Variants in SLC52A3 observed in about 807,000 individuals in gnomAD.
SLC52A3 encodes solute carrier family 52, riboflavin transporter, member 3.
A neutral mutation model predicts 29.5 loss-of-function variants in SLC52A3; 20 were observed. That is an observed-to-expected ratio of 0.68 (90% confidence interval 0.48 to 0.99). The LOEUF is 0.99. Ranked by LOEUF, SLC52A3 falls within the 50% of genes least tolerant of loss-of-function variation. SLC52A3 has a pLI of 0.00. For synonymous variants in SLC52A3, 301 were observed against 271.0 expected, an observed-to-expected ratio of 1.11 and a Z score of -1.09; for missense variants, 548 against 612.9, an observed-to-expected ratio of 0.89 and a Z score of 1.12.
chr20:761,140 G>A lies in SLC52A3; in HGVS notation c.1296C>T (p.Cys432=), dbSNP rs758570021. ...GCGAGCCCAGCTGCACCGCCGCCCC[G>A]CACCACAAGAGGGCGCTGCGGCTGA... The part of the protein sequence containing the change: ...RDLSRSALLW[C]GAAVQLGSLL... Residue 432 remains cysteine, a synonymous_variant, in exon 5 of 5, where the codon TGC becomes TGT. Transcript: ENST00000645534. The A allele has an allele frequency of 3.1e-6, 5 of 1,591,494 alleles. No homozygotes were observed. The South Asian group carries it at 3.4e-5, about 11-fold the overall frequency.
At chr20:767,724 A>G (rs926762415) in intron 1 of SLC52A3, among the ~76,000 whole-genome samples, 2 of 152,176 alleles carry the variant, frequency 1.3e-5, no homozygotes, top group Non-Finnish European at 2.9e-5. Context: ...TGATGCAAAT[A>G]TATGGTTACC....
In SLC52A3 at chr20:760,924, TACTC is replaced by T. The variant is rs1000536359; in HGVS notation, c.*98_*101del. ...TGGGCACTTGCGTTCATGATTCAAT[TACTC>T]AGGCTCTGTCTCTCTGTTCCTGCCC... On this transcript the variant is annotated 3_prime_UTR_variant, in exon 5 of 5. Transcript: ENST00000645534. The surrounding 1 kb of genome is among the most constrained non-coding windows in gnomAD (Gnocchi z 4.9). 6.8e-5 allele frequency: 83 copies of T among 1,211,784 alleles called. No individual in the cohort carries two copies. Among genetic ancestry groups the T allele is most frequent in the Non-Finnish European group, 9.7e-5 (83 of 855,938 alleles). 75.1% of individuals were successfully genotyped at this position (1,211,784 alleles called of 1,614,324 possible). A position where few individuals can be genotyped will look rare whatever the true frequency, so the allele number is the denominator to read the frequency against.
rs748146778 is a variant in SLC52A3, at chr20:765,718, G to A, written c.57C>T (p.Thr19=). 1 of 1,613,700 alleles carries A rather than the reference G, an allele frequency of 6.2e-7. No individual in the cohort carries two copies. ...GCAGCTCTACCCAGAGCCCATTGAT[G>A]GTCACCCAGGAGCCCATTCCGAAGA... ...VCVFGMGSWV[T]INGLWVELPL... The change falls in exon 2 of 5, where the codon ACC becomes ACT. Residue 19 remains threonine (T), a synonymous_variant. Transcript: ENST00000645534. The surrounding 1 kb of genome is among the most constrained non-coding windows in gnomAD (Gnocchi z 6.6).
In SLC52A3 at chr20:761,214, C is replaced by G. The variant is rs1216813111; in HGVS notation, c.1222G>C (p.Gly408Arg). 29 of 1,554,762 alleles carry G rather than the reference C, an allele frequency of 1.9e-5. No individual in the cohort carries two copies. Among genetic ancestry groups the G allele is most frequent in the Non-Finnish European group, 3.5e-6 (4 of 1,150,128 alleles). ...ATCACCTTGACGTAACTGAGGCAGC[C>G]GCTGAAAAGCACCCACGAGGCCACC... is the stretch of plus-strand genomic sequence containing the variant. The part of the protein sequence containing the change: ...LIVASWVLFS[G>R]CLSYVKVMLG... Residue 408 changes from glycine to arginine, a missense_variant, in exon 5 of 5, where the codon GGC (glycine) becomes CGC (arginine). Around this residue, in one of 2 missense-constraint regions of SLC52A3, gnomAD observed 173 missense variants for 141.8 expected, o/e 1.22. Coordinates refer to ENST00000645534, the MANE Select transcript of SLC52A3 (RefSeq NM_033409.4).
At chr20:777,889 C>T (rs1987109000), upstream of SLC52A3, among the ~76,000 whole-genome samples, 1 of 152,164 alleles carries the variant, frequency 6.6e-6, no homozygotes, top group African/African-American at 2.4e-5. Context: ...ACTGCAGACA[C>T]AGGAGTAGCT....
At chr20:773,729 C>T (rs1451640220) in intron 1 of SLC52A3, among the ~76,000 whole-genome samples, 6 of 152,214 alleles carry the variant, frequency 3.9e-5, no homozygotes, top group African/African-American at 9.6e-5. Flanking sequence ...AATGCGTGGG[C>T]GACAGATAGA....
At chr20:772,005 A>G (rs912202874), upstream of SLC52A3, among the ~76,000 whole-genome samples, 1 of 152,246 alleles carries the variant, frequency 6.6e-6, no homozygotes, top group African/African-American at 2.4e-5. Flanking sequence ...GGGCTAAGTC[A>G]GTAGTTAAGG....
At chr20:761,407 CG>C in intron 4 of SLC52A3, 169 bp from the exon 5 acceptor site, 4 of 838,244 alleles carry the variant, frequency 4.8e-6, no homozygotes, top group Non-Finnish European at 7.2e-6. Context: ...GTTGGCCGCC[CG>C]GGGGCGAAGG....
upstream of SLC52A3, among the ~76,000 whole-genome samples, chr20:778,915 G>A (rs1208192128): frequency 6.6e-6 from 1 of 152,112 alleles, no homozygotes; most frequent in Non-Finnish European, 1.5e-5. Flanking sequence ...ATACTATAAG[G>A]TGTCAAAATT....
At position 761,216 on chromosome 20, in the gene SLC52A3, C is replaced by T; in HGVS notation, c.1220G>A (p.Ser407Asn). ...VLIVASWVLF[S>N]GCLSYVKVML... Reference sequence around the variant, plus strand: ...CACCTTGACGTAACTGAGGCAGCCGCTGAAAAGCACCCACGAGGCCACCTG... The same window carrying T: ...CACCTTGACGTAACTGAGGCAGCCGTTGAAAAGCACCCACGAGGCCACCTG... The change falls in exon 5 of 5, where the codon AGC becomes AAC. Residue 407 changes from serine (S) to asparagine (N), a missense_variant. Physicochemically the swap from Ser to Asn is conservative, Grantham distance 46. Around this residue, in one of 2 missense-constraint regions of SLC52A3, gnomAD observed 173 missense variants for 141.8 expected, o/e 1.22. Coordinates refer to ENST00000645534, the MANE Select transcript of SLC52A3 (RefSeq NM_033409.4). 6.4e-7 allele frequency: 1 copy of T among 1,554,660 alleles called. No homozygotes were observed. Among genetic ancestry groups the T allele is most frequent in the Non-Finnish European group, 8.7e-7 (1 of 1,150,000 alleles).
Position 760,634 on chromosome 20 carries a change from A to G in SLC52A3, c.*392T>C, listed in dbSNP as rs1986423953. On this transcript the variant is annotated 3_prime_UTR_variant, in exon 5 of 5. Transcript: ENST00000645534. This position sits in a 1 kb window ranked among gnomAD's most constrained non-coding sequence, Gnocchi z 4.9. ...TGTGAGGTAGTTGGTACTTACTGGAATCCCCACTGCATGCATGAAGAAACA... is the reference window on the plus strand; with the variant it reads ...TGTGAGGTAGTTGGTACTTACTGGAGTCCCCACTGCATGCATGAAGAAACA... 8.9e-6 allele frequency: 2 copies of G among 225,872 alleles called. No homozygotes were observed. Among genetic ancestry groups the G allele is most frequent in the Admixed American group, 5.1e-5 (1 of 19,684 alleles). 14.0% of individuals were successfully genotyped at this position (225,872 alleles called of 1,614,324 possible).
intron 3 of SLC52A3, among the ~76,000 whole-genome samples, chr20:762,041 G>A (rs1402471760): frequency 6.6e-6 from 1 of 152,184 alleles, no homozygotes; most frequent in Non-Finnish European, 1.5e-5. Flanking sequence ...TGGCACCCCG[G>A]CAAGAAAAAC....
Position 761,739 on chromosome 20 carries a change from G to A in SLC52A3, c.1159C>T (p.Pro387Ser). Residue 387 changes from proline (P) to serine (S), a missense_variant, in exon 4 of 5, where the codon CCC becomes TCC. Pro to Ser is a moderately conservative substitution (Grantham distance 74, BLOSUM62 -1). Transcript: ENST00000645534. ...NMAMAVMSPC[P>S]LLQGHWGGEV... ...CCACCCCAGTGGCCCTGCAAGAGGG[G>A]GCAGGGGCTCATCACCGCCATGGCC... The A allele has an allele frequency of 6.2e-7, 1 of 1,614,094 alleles. No homozygotes were observed.
Position 761,155 on chromosome 20 carries a change from G to A in SLC52A3, c.1281C>T (p.Ser427=). 1 of 1,584,642 alleles carries A rather than the reference G, an allele frequency of 6.3e-7. No individual in the cohort carries two copies. Among genetic ancestry groups the A allele is most frequent in the Non-Finnish European group, 8.6e-7 (1 of 1,166,876 alleles). Residue 427 remains serine (S), a synonymous_variant, in exon 5 of 5, where the codon AGC becomes AGT. Transcript: ENST00000645534. ...LGVVLRDLSR[S]ALLWCGAAVQ... is the part of the protein sequence containing the mutation. ...CCGCCGCCCCGCACCACAAGAGGGC[G>A]CTGCGGCTGAGGTCGCGCAGGACCA...
At chr20:761,564 C>T (rs545712707) in intron 4 of SLC52A3, 137 bp downstream of exon 4, 60 of 1,320,530 alleles carry the variant, frequency 4.5e-5, no homozygotes, top group South Asian at 1.8e-4. Flanking sequence ...GAGGAAGGGG[C>T]GCTTCCCCCA....
At chr20:775,427 C>T (rs967456987) in intron 1 of SLC52A3, among the ~76,000 whole-genome samples, 2 of 152,140 alleles carry the variant, frequency 1.3e-5, no homozygotes, top group Admixed American at 1.3e-4. Context: ...ACCCATGCCA[C>T]CACGTCCGAC....
At chr20:768,845 A>G (rs1874308508), upstream of SLC52A3, among the ~76,000 whole-genome samples, 1 of 152,206 alleles carries the variant, frequency 6.6e-6, no homozygotes. Context: ...GGAAGCTCCC[A>G]GACAGCAGTG....
Position 765,261 on chromosome 20 carries a change from T to C in SLC52A3, c.514A>G (p.Ile172Val), listed in dbSNP as rs201479216. Residue 172 changes from isoleucine to valine, a missense_variant, in exon 2 of 5, where the codon ATA (isoleucine) becomes GTA (valine). Around this residue, in one of 2 missense-constraint regions of SLC52A3, gnomAD observed 375 missense variants for 471.1 expected, o/e 0.80. Transcript: ENST00000645534. This position sits in a 1 kb window ranked among gnomAD's most constrained non-coding sequence, Gnocchi z 6.6. ...ACAGGGCTTGGTACGCTGTCTGATA[T>C]CTCAGTGACATTGACGCAGGTAGTG... ...GLTTCVNVTE[I>V]SDSVPSPVPT... is the part of the protein sequence containing the mutation. The C allele has an allele frequency of 2.9e-5, 47 of 1,614,076 alleles. No individual in the cohort carries two copies. Among genetic ancestry groups the C allele is most frequent in the Non-Finnish European group, 3.9e-5 (46 of 1,180,022 alleles).
intron 3 of SLC52A3, 142 bp from the exon 4 acceptor site, chr20:761,966 G>T: frequency 7.9e-7 from 1 of 1,258,140 alleles, no homozygotes; most frequent in Non-Finnish European, 1.1e-6. Context: ...TGGCTCAAGT[G>T]GGTCAGGGAG....
Sources: allele counts gnomAD v4.1 joint callset (sites outside exome capture counted in the v4.1 genomes callset), GRCh38; gene constraint gnomAD v4.1.1; regional missense constraint gnomAD v4.1.1; non-coding constraint Gnocchi (gnomAD v3.1); transcripts MANE v1.5; gene names NCBI Gene and HGNC (gene_info 2026-07-23, HGNC 2026-07-21).